SGCZ: variants seen among roughly 807,000 people sequenced by gnomAD.
SGCZ encodes the protein zeta-sarcoglycan.
SGCZ carries 40 observed loss-of-function variants against 41.3 expected under a neutral mutation model. That is an observed-to-expected ratio of 0.97 (90% confidence interval 0.75 to 1.26). SGCZ has a LOEUF of 1.26. Ranked by LOEUF, SGCZ falls within the 50% of genes most tolerant of loss-of-function variation. The probability of loss-of-function intolerance (pLI) is 0.00; values close to 1 mark genes in which losing one functional copy is unlikely to be tolerated. For synonymous variants in SGCZ, 206 were observed against 137.5 expected (o/e 1.50, Z -3.49); for missense variants, 552 against 369.8 (o/e 1.49, Z -4.04).
At chr8:15,220,010 G>A (rs1470339938) in intron 1 of SGCZ, among the ~76,000 whole-genome samples, 2 of 152,112 alleles carry the variant, frequency 1.3e-5, no homozygotes, top group African/African-American at 4.8e-5. Flanking sequence ...TACACAAATT[G>A]TTCTAACAAT....
At chr8:14,998,098 C>A (rs572581311) in intron 1 of SGCZ, among the ~76,000 whole-genome samples, 1 of 152,290 alleles carries the variant, frequency 6.6e-6, no homozygotes, top group East Asian at 1.9e-4. Flanking sequence ...CATTAAAGTA[C>A]TGCGTCTTTT....
At chr8:14,371,284 A>T (rs1249497087) in intron 2 of SGCZ, among the ~76,000 whole-genome samples, 1 of 152,018 alleles carries the variant, frequency 6.6e-6, no homozygotes, top group Non-Finnish European at 1.5e-5. Flanking sequence ...AAGATATCAG[A>T]AATAAGTATT....
chr8:15,173,566 T>C (rs1799912481), intron 1 of SGCZ, among the ~76,000 whole-genome samples: 1 of 152,198 alleles, frequency 6.6e-6, no homozygotes, highest in South Asian at 2.1e-4. Context: ...TCACAAAATA[T>C]GTGTAAATTA....
At chr8:15,095,813 T>A (rs149404785) in intron 1 of SGCZ, among the ~76,000 whole-genome samples, 2 of 152,116 alleles carry the variant, frequency 1.3e-5, no homozygotes, top group Non-Finnish European at 2.9e-5. Context: ...ACAAAATGCA[T>A]CTTTATTCCT....
At chr8:14,504,324 T>C (rs990133792) in intron 2 of SGCZ, among the ~76,000 whole-genome samples, 2 of 152,220 alleles carry the variant, frequency 1.3e-5, no homozygotes, top group South Asian at 2.1e-4. Flanking sequence ...CTTTAATTAA[T>C]CAGGGCCCAT....
chr8:15,202,165 G>A (rs1468215284), intron 1 of SGCZ, among the ~76,000 whole-genome samples: 4 of 152,122 alleles, frequency 2.6e-5, no homozygotes, highest in Admixed American at 6.6e-5. Flanking sequence ...AGCAAAGGAG[G>A]AATCTAAATG....
In SGCZ at chr8:14,516,011, A is replaced by G. The variant is rs549634349; in HGVS notation, c.234+38721T>C. Among the ~76,000 whole-genome samples the G allele has an allele frequency of 3.9e-4, 60 of 152,184 alleles. No individual in the cohort carries two copies. The South Asian group carries it at 0.012, about 31-fold the overall frequency. Reference sequence around the variant, plus strand: ...GAAGAAATAGTTTTTTTTTAATTTAAGAATTACATGTTAAATTCACTGTCT... The same window carrying G: ...GAAGAAATAGTTTTTTTTTAATTTAGGAATTACATGTTAAATTCACTGTCT... On this transcript the variant is annotated intron_variant, in intron 2 of 7. Transcript: ENST00000382080.
chr8:14,837,594 G>T (rs148674834), intron 1 of SGCZ, among the ~76,000 whole-genome samples: 8 of 152,212 alleles, frequency 5.3e-5, no homozygotes, highest in Non-Finnish European at 1.2e-4. Context: ...AAGCAGTGAA[G>T]AAAGTGGTAG....
intron 1 of SGCZ, among the ~76,000 whole-genome samples, chr8:15,194,408 T>A (rs1043082267): frequency 6.6e-6 from 1 of 152,178 alleles, no homozygotes; most frequent in African/African-American, 2.4e-5. Context: ...GTAGGTACAA[T>A]AATATTCCCC....
chr8:14,099,761 CTTGTGGTATA>C lies in SGCZ; in HGVS notation c.744+2605_744+2614del, dbSNP rs1801955132. Among the ~76,000 whole-genome samples the C allele has an allele frequency of 5.9e-5, 9 of 152,242 alleles. No individual in the cohort carries two copies. The South Asian group carries it at 1.9e-3, about 32-fold the overall frequency. On this transcript the variant is annotated intron_variant, in intron 7 of 7. Transcript: ENST00000382080. ...GCTTTATTAATTATTTTTCTTTGATCTTGTGGTATATATGCTGTTATTGTATTACATGTGC... is the reference window on the plus strand; with the variant it reads ...GCTTTATTAATTATTTTTCTTTGATCTATGCTGTTATTGTATTACATGTGC...
rs555571591 is a variant in SGCZ, at chr8:14,677,078, C to CA, written c.40-122153dup. Among the ~76,000 whole-genome samples the CA allele has an allele frequency of 2.1e-3, 305 of 148,430 alleles. 1 individual carries two copies. In the South Asian group the frequency reaches 0.021, roughly 10 times the overall value. On this transcript the variant is annotated intron_variant, in intron 1 of 7. Coordinates refer to ENST00000382080, the MANE Select transcript of SGCZ (RefSeq NM_139167.4). ...ATGTAGAAAATTAAAAAGAACTGACCAAAAAAAAACCTCTCCTGGAGCAAA... is the reference window on the plus strand; with the variant it reads ...ATGTAGAAAATTAAAAAGAACTGACCAAAAAAAAAACCTCTCCTGGAGCAAA...
At chr8:15,074,855 G>A (rs540978682) in intron 1 of SGCZ, among the ~76,000 whole-genome samples, 11 of 152,092 alleles carry the variant, frequency 7.2e-5, no homozygotes, top group Non-Finnish European at 1.3e-4. Context: ...CTCACCCCCA[G>A]TACACTGACT....
At chr8:14,857,651 G>A (rs1193349769) in intron 1 of SGCZ, among the ~76,000 whole-genome samples, 3 of 152,090 alleles carry the variant, frequency 2.0e-5, no homozygotes, top group African/African-American at 7.2e-5. Flanking sequence ...ATTGCTTGAG[G>A]TCAGGAGTTT....
chr8:15,212,652 T>C (rs979004325), intron 1 of SGCZ, among the ~76,000 whole-genome samples: 4 of 152,046 alleles, frequency 2.6e-5, no homozygotes, highest in Non-Finnish European at 5.9e-5. Flanking sequence ...CTGATGAACT[T>C]AGAGATAAAA....
intron 1 of SGCZ, among the ~76,000 whole-genome samples, chr8:14,834,761 G>C (rs1486966716): frequency 6.6e-6 from 1 of 152,148 alleles, no homozygotes; most frequent in Non-Finnish European, 1.5e-5. Flanking sequence ...TATTTGGAGA[G>C]CATGTCTTCC....
chr8:14,132,163 G>C (rs938011702), intron 5 of SGCZ, among the ~76,000 whole-genome samples: 1 of 151,792 alleles, frequency 6.6e-6, no homozygotes, highest in African/African-American at 2.4e-5. Flanking sequence ...CTGCTCCTCA[G>C]ACTCAGTAAT....
At chr8:14,833,820 A>AG (rs990086737) in intron 1 of SGCZ, among the ~76,000 whole-genome samples, 5 of 96,118 alleles carry the variant, frequency 5.2e-5, no homozygotes, top group African/African-American at 3.5e-4. Context: ...GGGATGATCC[A>AG]GGAAAAAAAA....
At chr8:14,932,144 T>A (rs527742407) in intron 1 of SGCZ, among the ~76,000 whole-genome samples, 28 of 152,020 alleles carry the variant, frequency 1.8e-4, no homozygotes, top group African/African-American at 5.6e-4. Context: ...ATGAAGAAAA[T>A]AACATAGTAC....
At chr8:14,982,570 C>G (rs182583708) in intron 1 of SGCZ, among the ~76,000 whole-genome samples, 4 of 152,292 alleles carry the variant, frequency 2.6e-5, no homozygotes, top group Admixed American at 6.5e-5. Flanking sequence ...TCTACCTCCT[C>G]TCTCCTCATT....
Sources: allele counts gnomAD v4.1 joint callset (sites outside exome capture counted in the v4.1 genomes callset), GRCh38; gene constraint gnomAD v4.1.1; transcripts MANE v1.5; gene names NCBI Gene and HGNC (gene_info 2026-07-23, HGNC 2026-07-21).